Variants in RANBP17 observed in about 807,000 individuals in gnomAD.
RANBP17 encodes the protein ran-binding protein 17.
RANBP17 carries 158 observed loss-of-function variants against 141.2 expected under a neutral mutation model. The observed-to-expected ratio is 1.12, with a 90% CI of 0.98 to 1.28. The LOEUF (loss-of-function observed/expected upper bound fraction) is 1.28, where lower values mean the gene tolerates loss of function less well. RANBP17 is among the 50% of genes most tolerant of loss of function. RANBP17 has a pLI of 0.00. For missense variants in RANBP17, 1,438 were observed against 1,290.7 expected (o/e 1.11, Z -1.75); for synonymous variants, 430 against 450.0 (o/e 0.96, Z 0.56).
chr5:171,035,884 A>G (rs1311991120), intron 14 of RANBP17, among the ~76,000 whole-genome samples: 6 of 151,398 alleles, frequency 4.0e-5, no homozygotes, highest in Admixed American at 4.0e-4. Flanking sequence ...AGTACCCAGT[A>G]GGTTTTCTTT....
intron 14 of RANBP17, among the ~76,000 whole-genome samples, chr5:171,107,493 C>T (rs564191869): frequency 6.6e-6 from 1 of 151,816 alleles, no homozygotes; most frequent in South Asian, 2.1e-4. Flanking sequence ...TTTTCTTGGC[C>T]TGTGAGTAAG....
intron 14 of RANBP17, among the ~76,000 whole-genome samples, chr5:170,999,953 T>C (rs926507317): frequency 1.3e-5 from 2 of 152,212 alleles, no homozygotes; most frequent in African/African-American, 2.4e-5. Flanking sequence ...GTCTCAGTGA[T>C]TGTGACAACC....
At chr5:170,927,727 A>G (rs1581165294) in intron 12 of RANBP17, among the ~76,000 whole-genome samples, 1 of 152,050 alleles carries the variant, frequency 6.6e-6, no homozygotes. Flanking sequence ...TTGTTGTTGC[A>G]TAGTATTCCA....
chr5:171,139,760 C>G (rs931770748), intron 14 of RANBP17, among the ~76,000 whole-genome samples: 8 of 152,124 alleles, frequency 5.3e-5, no homozygotes, highest in African/African-American at 1.9e-4. Context: ...CACTTTCAGC[C>G]TACTATTGTG....
At position 171,196,632 on chromosome 5, in the gene RANBP17, A is replaced by G. The variant is rs371820925; in HGVS notation, c.2039-3038A>G. On this transcript the variant is annotated intron_variant, in intron 18 of 27. Transcript: ENST00000523189. ...ATTTATTAAGTACCAGACACTGAGC[A>G]GGGGGATGGGGCGAGGGGGTGGTTA... is the stretch of plus-strand genomic sequence containing the variant. 1.3e-3 allele frequency among the ~76,000 whole-genome samples: 193 copies of G among 152,296 alleles called. 9 individuals are homozygous for G. In the South Asian group the frequency reaches 0.039, roughly 30 times the overall value.
intron 13 of RANBP17, among the ~76,000 whole-genome samples, chr5:170,962,298 G>A (rs758619421): frequency 6.6e-5 from 10 of 152,206 alleles, no homozygotes; most frequent in Non-Finnish European, 1.0e-4. Context: ...CTCTCTTGCT[G>A]GTGGGGATGT....
chr5:171,146,841 A>G (rs545258611), intron 14 of RANBP17, among the ~76,000 whole-genome samples: 2 of 152,338 alleles, frequency 1.3e-5, no homozygotes, highest in East Asian at 3.9e-4. Flanking sequence ...GAGAAGAGGT[A>G]TAGTGTGCTA....
chr5:170,975,331 C>T (rs1777278799), intron 14 of RANBP17, among the ~76,000 whole-genome samples: 1 of 152,068 alleles, frequency 6.6e-6, no homozygotes. Flanking sequence ...GAGTTCGAGA[C>T]CAGCCTGACC....
intron 14 of RANBP17, among the ~76,000 whole-genome samples, chr5:171,061,677 G>T (rs1054264179): frequency 6.6e-6 from 1 of 152,140 alleles, no homozygotes; most frequent in Non-Finnish European, 1.5e-5. Flanking sequence ...TGTCTATTAG[G>T]TCCGCTTGGT....
In RANBP17 at chr5:171,297,567, C is replaced by T. The variant is rs115090713; in HGVS notation, c.3171-1195C>T. Among the ~76,000 whole-genome samples the T allele has an allele frequency of 3.6e-3, 554 of 151,938 alleles. 3 individuals are homozygous for T. Among genetic ancestry groups the T allele is most frequent in the African/African-American group, 0.013 (536 of 41,440 alleles). ...GTATGCAGACATATTCCCTTGACTG[C>T]TCACTTCAAGATCCTCTATCACGCA... is the stretch of plus-strand genomic sequence containing the variant. On this transcript the variant is annotated intron_variant, in intron 27 of 27. Coordinates refer to ENST00000523189, the MANE Select transcript of RANBP17 (RefSeq NM_022897.5).
intron 14 of RANBP17, among the ~76,000 whole-genome samples, chr5:171,079,584 C>T (rs1354553854): frequency 6.6e-6 from 1 of 152,218 alleles, no homozygotes; most frequent in African/African-American, 2.4e-5. Context: ...TAACCTTCAG[C>T]CACTACCACC....
intron 25 of RANBP17, among the ~76,000 whole-genome samples, chr5:171,289,911 T>G (rs1768382386): frequency 6.6e-6 from 1 of 151,788 alleles, no homozygotes; most frequent in Non-Finnish European, 1.5e-5. Context: ...ATGCCTATAG[T>G]CCCAGTTACT....
intron 27 of RANBP17, among the ~76,000 whole-genome samples, chr5:171,296,218 A>G (rs550161436): frequency 2.3e-4 from 35 of 152,324 alleles, no homozygotes; most frequent in African/African-American, 7.9e-4. Flanking sequence ...TTATACAGGG[A>G]TGCAGAGATT....
Position 171,014,886 on chromosome 5 carries a change from C to T in RANBP17, c.1710+46509C>T, listed in dbSNP as rs147121616. Among the ~76,000 whole-genome samples the T allele has an allele frequency of 8.4e-3, 1,276 of 152,040 alleles. 7 individuals are homozygous for T. The highest frequency in any genetic ancestry group is 0.015 in the Non-Finnish European group (988 of 67,898). ...TTCAGCTTTCATATGTCTGGAAAAA[C>T]ATTTATTTTTGCCTACTGTTTTGGA... On this transcript the variant is annotated intron_variant, in intron 14 of 27. Transcript: ENST00000523189.
At chr5:170,959,235 C>G (rs1232584305) in intron 13 of RANBP17, among the ~76,000 whole-genome samples, 1 of 152,164 alleles carries the variant, frequency 6.6e-6, no homozygotes, top group Non-Finnish European at 1.5e-5. Flanking sequence ...GTTTTCCTCT[C>G]TCTCCCAAAC....
chr5:171,277,637 G>GTATATATATATATATATATATATATA (rs70982330), intron 25 of RANBP17, among the ~76,000 whole-genome samples: 5 of 56,920 alleles, frequency 8.8e-5, no homozygotes, highest in African/African-American at 1.7e-4. Flanking sequence ...ATATATGTAT[G>GTATATATATATATATATATATATATA]TATATATATA....
chr5:171,065,832 A>C (rs1366864690), intron 14 of RANBP17, among the ~76,000 whole-genome samples: 5 of 151,338 alleles, frequency 3.3e-5, no homozygotes, highest in Non-Finnish European at 1.5e-5. Context: ...AGATCTTTAT[A>C]TTCATTAATT....
chr5:171,107,224 A>G (rs892066972), intron 14 of RANBP17, among the ~76,000 whole-genome samples: 2 of 152,214 alleles, frequency 1.3e-5, no homozygotes, highest in Admixed American at 6.5e-5. Flanking sequence ...TCAGCCTCAC[A>G]TTCTAGTACT....
At chr5:170,980,353 C>G (rs1395931287) in intron 14 of RANBP17, among the ~76,000 whole-genome samples, 1 of 152,162 alleles carries the variant, frequency 6.6e-6, no homozygotes, top group African/African-American at 2.4e-5. Flanking sequence ...TAATGAGAAG[C>G]TGAATATTAA....
Sources: gnomAD v4.1 joint callset for allele counts (sites outside exome capture counted in the v4.1 genomes callset) on GRCh38, gnomAD v4.1.1 for gene constraint, MANE v1.5 for transcripts, NCBI Gene and HGNC (gene_info 2026-07-23, HGNC 2026-07-21) for gene names.